Variants in POLA1 observed in about 807,000 individuals in gnomAD.
The protein encoded by POLA1 is DNA polymerase alpha catalytic subunit.
A neutral mutation model predicts 124.0 loss-of-function variants in POLA1; 15 were observed. That is an observed-to-expected ratio of 0.12 (90% confidence interval 0.08 to 0.19). POLA1 has a LOEUF of 0.19. Ranked by LOEUF, POLA1 falls within the 10% of genes least tolerant of loss-of-function variation. POLA1 has a pLI of 1.00. For missense variants in POLA1, 886 were observed against 1,103.4 expected (o/e 0.80, Z 2.79); for synonymous variants, 408 against 389.4 (o/e 1.05, Z -0.56).
intron 26 of POLA1, among the ~76,000 whole-genome samples, chrX:24,790,940 T>TATAA (rs1491408752): frequency 2.0e-5 from 2 of 98,378 alleles, no homozygotes; most frequent in Admixed American, 1.1e-4. Context: ...TATATATATA[T>TATAA]AAAACATTTA....
At chrX:24,850,573 A>C (rs988687067) in intron 34 of POLA1, among the ~76,000 whole-genome samples, 1 of 111,624 alleles carries the variant, frequency 9.0e-6, no homozygotes, top group East Asian at 2.8e-4. Context: ...GGGGAGGCTC[A>C]GATCTAGAGC....
chrX:24,845,436 A>G (rs999929115), intron 34 of POLA1, among the ~76,000 whole-genome samples: 5 of 111,993 alleles, frequency 4.5e-5, no homozygotes, highest in African/African-American at 1.6e-4. Flanking sequence ...ATGTGATTGG[A>G]TGGCAGAGAA....
Position 24,699,537 on chromosome X carries a change from G to A in POLA1, c.156G>A (p.Lys52=). 8.7e-7 allele frequency: 1 copy of A among 1,152,730 alleles called. No homozygotes were observed. The highest frequency in any genetic ancestry group is 1.2e-6 in the Non-Finnish European group (1 of 862,450). 95.0% of individuals were successfully genotyped at this position (1,152,730 alleles called of 1,213,427 possible). The part of the protein sequence containing the change: ...ERLKKAKAGE[K]YKYEVEDFTG... ...TGAAAAAGGCTAAAGCTGGTGAGAAGTATAAATATGAAGTAAGTAACCATT... is the reference window on the plus strand; with the variant it reads ...TGAAAAAGGCTAAAGCTGGTGAGAAATATAAATATGAAGTAAGTAACCATT... The change falls in exon 2 of 37, where the codon AAG becomes AAA. Residue 52 remains lysine (K), a synonymous_variant. Coordinates refer to ENST00000379068, the MANE Select transcript of POLA1 (RefSeq NM_001330360.2).
intron 26 of POLA1, among the ~76,000 whole-genome samples, chrX:24,790,921 A>ATATATG (rs1394334440): frequency 1.0e-5 from 1 of 100,492 alleles, no homozygotes; most frequent in African/African-American, 3.7e-5. Flanking sequence ...GTATATATAT[A>ATATATG]TATATATATA....
chrX:24,879,864 A>C (rs1409222706), intron 34 of POLA1, among the ~76,000 whole-genome samples: 1 of 111,569 alleles, frequency 9.0e-6, no homozygotes, highest in Non-Finnish European at 1.9e-5. Context: ...AGACAGTTTT[A>C]ACTGTTCTGG....
intron 30 of POLA1, among the ~76,000 whole-genome samples, chrX:24,816,670 A>G (rs1375011335): frequency 8.9e-6 from 1 of 111,954 alleles, no homozygotes; most frequent in Non-Finnish European, 1.9e-5. Context: ...TGCATATTGT[A>G]TCCCTGATCC....
chrX:24,855,200 CTT>C (rs1476879060), intron 34 of POLA1, among the ~76,000 whole-genome samples: 3 of 111,116 alleles, frequency 2.7e-5, no homozygotes, highest in African/African-American at 6.6e-5. Flanking sequence ...TAATTTGTGT[CTT>C]TATATTTCTG....
intron 32 of POLA1, among the ~76,000 whole-genome samples, chrX:24,839,442 C>T (rs1246711197): frequency 2.7e-5 from 3 of 111,926 alleles, no homozygotes; most frequent in East Asian, 2.8e-4. Context: ...TGGTATTTTT[C>T]GCAAGTTGCA....
rs1344218956 is a variant in POLA1, at chrX:24,724,433, T to C, written c.1299T>C (p.Ile433=). ...FDEKIATKYK[I]MKFKSKPVEK... is the part of the protein sequence containing the mutation. ...AGAAAATAGCAACAAAATATAAAAT[T>C]ATGAAGTTCAAGTCTAAGGTTTGTA... is the stretch of plus-strand genomic sequence containing the variant. The change falls in exon 12 of 37, where the codon ATT becomes ATC. Residue 433 remains isoleucine, a synonymous_variant. Coordinates refer to ENST00000379068, the MANE Select transcript of POLA1 (RefSeq NM_001330360.2). 4.1e-6 allele frequency: 4 copies of C among 981,025 alleles called. No homozygotes were observed. Among genetic ancestry groups the C allele is most frequent in the Non-Finnish European group, 5.7e-6 (4 of 696,353 alleles). 80.8% of individuals were successfully genotyped at this position (981,025 alleles called of 1,213,427 possible).
chrX:24,794,413 T>C (rs1289043800), intron 26 of POLA1, among the ~76,000 whole-genome samples: 1 of 112,363 alleles, frequency 8.9e-6, no homozygotes, highest in African/African-American at 3.2e-5. Flanking sequence ...AGAGCTGTTA[T>C]ATAAGAAGTT....
intron 26 of POLA1, among the ~76,000 whole-genome samples, chrX:24,795,745 C>G (rs2045595796): frequency 9.4e-6 from 1 of 106,298 alleles, no homozygotes; most frequent in Admixed American, 1.0e-4. Flanking sequence ...GGTCACAGGA[C>G]TCCTGGCTTC....
chrX:24,819,789 A>T (rs965475575), intron 30 of POLA1, among the ~76,000 whole-genome samples: 1 of 110,957 alleles, frequency 9.0e-6, no homozygotes, highest in Admixed American at 9.6e-5. Flanking sequence ...ATTTGTCCTA[A>T]TGCTCTCCCT....
intron 26 of POLA1, among the ~76,000 whole-genome samples, chrX:24,772,987 T>C (rs1234592577): frequency 8.9e-6 from 1 of 111,872 alleles, no homozygotes; most frequent in Non-Finnish European, 1.9e-5. Flanking sequence ...ATGATAGATA[T>C]ACTCATTTCT....
At chrX:24,909,469 C>T (rs1286759436) in intron 35 of POLA1, among the ~76,000 whole-genome samples, 1 of 111,519 alleles carries the variant, frequency 9.0e-6, no homozygotes, top group Non-Finnish European at 1.9e-5. Context: ...GCCAGTTTTC[C>T]CAGCACCATT....
intron 8 of POLA1, 31 bp downstream of exon 8, chrX:24,717,002 G>A: frequency 1.0e-6 from 1 of 970,212 alleles, no homozygotes. Context: ...AATTGCAAGA[G>A]TGTTGAGTGG....
In POLA1 at chrX:24,695,774, G is replaced by A. The variant is rs139403214; in HGVS notation, c.43+1770G>A. On this transcript the variant is annotated intron_variant, in intron 1 of 36. Transcript: ENST00000379068. ...ATTACAGGCATGAGCCACTGCGCCC[G>A]GCCAGGGAAAGTTTAATGATCAAAA... Among the ~76,000 whole-genome samples, 28 of 111,918 alleles carry A rather than the reference G, an allele frequency of 2.5e-4. No homozygotes were observed. In the East Asian group the frequency reaches 6.7e-3, roughly 27 times the overall value.
chrX:24,817,062 TA>T (rs1478695415), intron 30 of POLA1, among the ~76,000 whole-genome samples: 6 of 111,728 alleles, frequency 5.4e-5, no homozygotes, highest in African/African-American at 2.0e-4. Flanking sequence ...TCTAGTATGA[TA>T]GGGGCTGTGA....
rs762178125 is a variant in POLA1, at chrX:24,888,166, A to G, written c.4164+44A>G. 5.9e-6 allele frequency: 5 copies of G among 844,627 alleles called. No individual in the cohort carries two copies. In the East Asian group the frequency reaches 1.6e-4, roughly 26 times the overall value. 69.6% of individuals were successfully genotyped at this position (844,627 alleles called of 1,213,427 possible). On this transcript the variant is annotated intron_variant, in intron 35 of 36. Transcript: ENST00000379068. ...TAAAGAACCATGTAGAAGAGGGTAG[A>G]GGGCTGCTTGCTTTGAGAAGTAGAT... is the stretch of plus-strand genomic sequence containing the variant.
chrX:24,994,305 GT>G (rs1232439910), intron 36 of POLA1, among the ~76,000 whole-genome samples: 1 of 112,976 alleles, frequency 8.9e-6, no homozygotes, highest in Non-Finnish European at 1.9e-5. Context: ...TTCAGAAAAG[GT>G]TGTGGAGAGC....
Sources: gnomAD v4.1 joint callset for allele counts (sites outside exome capture counted in the v4.1 genomes callset) on GRCh38, gnomAD v4.1.1 for gene constraint, MANE v1.5 for transcripts, NCBI Gene and HGNC (gene_info 2026-07-23, HGNC 2026-07-21) for gene names.